The following NUP42 variants were observed in gnomAD, a reference collection of about 807,000 sequenced individuals.
NUP42 encodes the protein nucleoporin 42.
NUP42 carries 47 observed loss-of-function variants against 35.9 expected under a neutral mutation model. That is an observed-to-expected ratio of 1.31 (90% CI 1.04 to 1.67). The LOEUF (loss-of-function observed/expected upper bound fraction) is 1.67. NUP42 is among the 40% of genes most tolerant of loss of function. The pLI is 0.00. For synonymous variants in NUP42, 173 were observed against 173.3 expected (o/e 1.00, Z 0.01); for missense variants, 514 against 492.2 (o/e 1.04, Z -0.42).
At chr7:23,186,465 CCA>C (rs1274348069) in intron 2 of NUP42, among the ~76,000 whole-genome samples, 1 of 152,042 alleles carries the variant, frequency 6.6e-6, no homozygotes, top group Non-Finnish European at 1.5e-5. Flanking sequence ...CCGAATCTAC[CCA>C]CGGCATTACC....
intron 4 of NUP42, 106 bp from the exon 5 acceptor site, chr7:23,196,574 C>T (rs549961021): frequency 1.2e-4 from 94 of 814,686 alleles, no homozygotes; most frequent in Non-Finnish European, 1.8e-4. Flanking sequence ...AAAACTGTTA[C>T]ATAAACCTTT....
At chr7:23,199,435 A>C in intron 5 of NUP42, 23 bp from the exon 6 acceptor site, 1 of 1,593,070 alleles carries the variant, frequency 6.3e-7, no homozygotes, top group Non-Finnish European at 8.6e-7. Context: ...GCACTTTATT[A>C]TTTGCACACT....
chr7:23,192,089 A>G (rs1379095164), intron 3 of NUP42, among the ~76,000 whole-genome samples: 1 of 152,194 alleles, frequency 6.6e-6, no homozygotes, highest in African/African-American at 2.4e-5. Flanking sequence ...CGAAACATAT[A>G]CACACACAAA....
In NUP42 at chr7:23,186,905, T is replaced by A. The variant is rs1785613160; in HGVS notation, c.351-147T>A. On this transcript the variant is annotated intron_variant, in intron 2 of 6. Transcript: ENST00000258742. ...AAATATAGTTCACACTTCTATAAAC[T>A]TGTGCTTTAAAGAACACTCTTCAGA... The A allele has an allele frequency of 8.7e-6, 5 of 573,002 alleles. No homozygotes were observed. In the South Asian group the frequency reaches 1.3e-4, roughly 14 times the overall value. The allele number at this position is 573,002 out of a possible 1,614,324, so 35.5% of individuals were successfully genotyped here. A position where few individuals can be genotyped will look rare whatever the true frequency, so the allele number is the denominator to read the frequency against.
chr7:23,188,369 A>C (rs895537138), intron 3 of NUP42: 1 of 1,114,510 alleles, frequency 9.0e-7, no homozygotes. Context: ...GGAGGAAAAC[A>C]ATAAGTGATG....
chr7:23,185,930 G>A (rs189451470), intron 2 of NUP42, among the ~76,000 whole-genome samples: 1 of 152,028 alleles, frequency 6.6e-6, no homozygotes, highest in African/African-American at 2.4e-5. Flanking sequence ...AGTAGAGATA[G>A]GGTTTTACCA....
chr7:23,198,935 C>T (rs2128475126), intron 5 of NUP42, among the ~76,000 whole-genome samples: 1 of 152,164 alleles, frequency 6.6e-6, no homozygotes, highest in East Asian at 1.9e-4. Flanking sequence ...ATTTAAATCA[C>T]CTGTAATTTA....
At chr7:23,199,638 T>A in intron 6 of NUP42, 96 bp downstream of exon 6, 1 of 1,025,996 alleles carries the variant, frequency 9.7e-7, no homozygotes, top group Non-Finnish European at 1.5e-6. Context: ...TAAATTACCT[T>A]CGTAAATTCT....
chr7:23,196,707 C>T lies in NUP42; in HGVS notation c.550C>T (p.Gln184Ter), dbSNP rs1412707093. The change falls in exon 5 of 7, where the codon CAA becomes TAA. Residue 184 changes from glutamine (Q) to a stop codon, truncating the protein, a stop_gained. Transcript: ENST00000258742. LOFTEE classifies it high-confidence loss of function. ...AAATTCTGTCCAACGTTTAATAAAT[C>T]AATGGAGGAACAGGGTAAATGAACT... ...YLNSVQRLIN[Q>*]WRNRVNELKS... 1 of 1,612,236 alleles carries T rather than the reference C, an allele frequency of 6.2e-7. No homozygotes were observed. Among genetic ancestry groups the T allele is most frequent in the South Asian group, 1.1e-5 (1 of 90,982 alleles).
intron 3 of NUP42, 60 bp downstream of exon 3, chr7:23,187,206 A>G: frequency 8.8e-7 from 1 of 1,130,544 alleles, no homozygotes; most frequent in Non-Finnish European, 1.3e-6. Flanking sequence ...TCTAAAACCA[A>G]AAGAATGCCA....
At chr7:23,200,107 T>C in intron 6 of NUP42, 61 bp from the exon 7 acceptor site, 1 of 1,171,882 alleles carries the variant, frequency 8.5e-7, no homozygotes, top group South Asian at 1.7e-5. Context: ...GAAATAATTG[T>C]GACATTTTTC....
chr7:23,195,710 T>C, intron 3 of NUP42, 129 bp from the exon 4 acceptor site: 7 of 621,096 alleles, frequency 1.1e-5, no homozygotes, highest in Non-Finnish European at 1.7e-5. Flanking sequence ...GTGTAGGCTT[T>C]AAGTTTCTTC....
intron 3 of NUP42, chr7:23,188,692 C>A: frequency 5.7e-6 from 2 of 352,016 alleles, no homozygotes; most frequent in Non-Finnish European, 8.0e-6. Context: ...TCAAATTTAA[C>A]TGGGCATCCT....
rs371584567 is a variant in NUP42, at chr7:23,182,213, C to A, written c.121+7C>A. 1.2e-6 allele frequency: 2 copies of A among 1,603,394 alleles called. No homozygotes were observed. Among genetic ancestry groups the A allele is most frequent in the Non-Finnish European group, 1.7e-6 (2 of 1,174,942 alleles). On this transcript the variant is annotated splice_region_variant and intron_variant, in intron 1 of 6. Coordinates refer to ENST00000258742, the MANE Select transcript of NUP42 (RefSeq NM_007342.3). ...CCGCAGCAGCAGCCTTCAGGTGACTCTCCTCTGAATCCTCCGCGGTAACCG... is the reference window on the plus strand; with the variant it reads ...CCGCAGCAGCAGCCTTCAGGTGACTATCCTCTGAATCCTCCGCGGTAACCG...
intron 1 of NUP42, among the ~76,000 whole-genome samples, chr7:23,183,753 G>GT (rs1174723337): frequency 2.7e-5 from 2 of 75,040 alleles, no homozygotes; most frequent in Non-Finnish European, 5.0e-5. Flanking sequence ...CAAAAGCAAT[G>GT]TAAAAAAAAA....
Position 23,195,870 on chromosome 7 carries a change from G to A in NUP42, c.477G>A (p.Arg159=), listed in dbSNP as rs373062738. 6.2e-7 allele frequency: 1 copy of A among 1,606,470 alleles called. No individual in the cohort carries two copies. The highest frequency in any genetic ancestry group is 1.3e-5 in the African/African-American group (1 of 74,702). ...CAGACATTTCACCAGAGGAATTGAG[G>A]CTTGAATACCATAACTTCTTAACCA... The part of the protein sequence containing the change: ...GFTDISPEEL[R]LEYHNFLTSN... The change falls in exon 4 of 7, where the codon AGG becomes AGA. Residue 159 remains arginine (R), a synonymous_variant. Transcript: ENST00000258742.
At chr7:23,183,501 G>C (rs1469776894) in intron 1 of NUP42, among the ~76,000 whole-genome samples, 2 of 152,130 alleles carry the variant, frequency 1.3e-5, no homozygotes, top group Non-Finnish European at 2.9e-5. Context: ...GATTACAGGC[G>C]TGAGCGACCG....
At chr7:23,187,880 A>C (rs1449875736) in intron 3 of NUP42, among the ~76,000 whole-genome samples, 2 of 152,196 alleles carry the variant, frequency 1.3e-5, no homozygotes, top group East Asian at 3.9e-4. Context: ...TGCTGGGATT[A>C]TAGGCGTGAG....
At chr7:23,188,051 G>T (rs1447894305) in intron 3 of NUP42, 1 of 1,441,350 alleles carries the variant, frequency 6.9e-7, no homozygotes, top group Non-Finnish European at 9.1e-7. Flanking sequence ...CCCTTTCTGG[G>T]CTGAAACCTA....
Sources: gnomAD v4.1 joint callset for allele counts (sites outside exome capture counted in the v4.1 genomes callset) on GRCh38, gnomAD v4.1.1 for gene constraint, MANE v1.5 for transcripts, NCBI Gene and HGNC (gene_info 2026-07-23, HGNC 2026-07-21) for gene names.